SSBP2: variants seen among roughly 807,000 people sequenced by gnomAD.
The protein encoded by SSBP2 is single stranded DNA binding protein 2, also known as single-stranded DNA-binding protein 2.
In SSBP2, 17 loss-of-function variants were observed where a neutral mutation model predicts 61.8. That is an observed-to-expected ratio of 0.28 (90% confidence interval 0.19 to 0.41). The LOEUF is 0.41. Among genes scored for constraint, SSBP2 ranks in the 10% least tolerant of loss-of-function variants. The probability of loss-of-function intolerance (pLI) is 1.00; values close to 1 mark genes in which losing one functional copy is unlikely to be tolerated. For synonymous variants in SSBP2, 139 were observed against 141.3 expected (o/e 0.98, Z 0.12); for missense variants, 310 against 458.7 (o/e 0.68, Z 2.96).
chr5:81,671,692 C>G (rs1469468130), intron 1 of SSBP2, among the ~76,000 whole-genome samples: 2 of 151,922 alleles, frequency 1.3e-5, no homozygotes, highest in Non-Finnish European at 2.9e-5. Flanking sequence ...AAGAAAAAAA[C>G]AAGATGCAAA....
intron 4 of SSBP2, among the ~76,000 whole-genome samples, chr5:81,527,175 G>A (rs1002117209): frequency 2.6e-5 from 4 of 151,880 alleles, no homozygotes; most frequent in Non-Finnish European, 5.9e-5. Flanking sequence ...TTATCAAAAA[G>A]TTTTGAGAAA....
At chr5:81,530,649 A>C (rs1169958934) in intron 4 of SSBP2, among the ~76,000 whole-genome samples, 2 of 152,100 alleles carry the variant, frequency 1.3e-5, no homozygotes, top group Non-Finnish European at 2.9e-5. Context: ...TATAGGAGAA[A>C]ACACAAACTA....
chr5:81,549,637 GA>G (rs1772019859), intron 4 of SSBP2, among the ~76,000 whole-genome samples: 1 of 152,162 alleles, frequency 6.6e-6, no homozygotes, highest in South Asian at 2.1e-4. Context: ...TCTACTGAAA[GA>G]ATACATGAAT....
rs59039206 is a variant in SSBP2, at chr5:81,488,010, AATATATATATATATATAT to A, written c.432+1222_432+1239del. On this transcript the variant is annotated intron_variant, in intron 6 of 16. Transcript: ENST00000320672. ...ATTTCCTTCTTGTTTATGGCCAAATAATATATATATATATATATATATATATATATATATATATATATA... is the reference window on the plus strand; with the variant it reads ...ATTTCCTTCTTGTTTATGGCCAAATAATATATATATATATATATATATATA... Among the ~76,000 whole-genome samples, 240 of 38,932 alleles carry A rather than the reference AATATATATATATATATAT, an allele frequency of 6.2e-3. 7 individuals carry two copies. The highest frequency in any genetic ancestry group is 0.019 in the South Asian group (15 of 800). The allele number at this position is 38,932 out of a possible 152,430, so 25.5% of individuals were successfully genotyped here.
At chr5:81,594,634 C>T (rs983154891) in intron 4 of SSBP2, among the ~76,000 whole-genome samples, 1 of 152,188 alleles carries the variant, frequency 6.6e-6, no homozygotes, top group African/African-American at 2.4e-5. Context: ...GAAACTATAA[C>T]AAACTGTCTC....
intron 1 of SSBP2, among the ~76,000 whole-genome samples, chr5:81,651,659 T>C (rs1749739689): frequency 6.6e-6 from 1 of 152,262 alleles, no homozygotes; most frequent in Middle Eastern, 3.4e-3. Flanking sequence ...ATAAGCTATA[T>C]AGCAGGCTCC....
chr5:81,427,678 A>G (rs1297058322), intron 16 of SSBP2, among the ~76,000 whole-genome samples: 1 of 152,172 alleles, frequency 6.6e-6, no homozygotes, highest in African/African-American at 2.4e-5. Context: ...TCCGTAAGAA[A>G]TTTTAAGGAT....
chr5:81,706,010 C>T (rs1435229102), intron 1 of SSBP2, among the ~76,000 whole-genome samples: 1 of 152,120 alleles, frequency 6.6e-6, no homozygotes, highest in Non-Finnish European at 1.5e-5. Flanking sequence ...ATCCAAAAGA[C>T]AATAAGTCAT....
intron 5 of SSBP2, among the ~76,000 whole-genome samples, chr5:81,490,643 T>C (rs1161057879): frequency 2.0e-5 from 3 of 152,212 alleles, no homozygotes; most frequent in Admixed American, 6.5e-5. Context: ...AGGACATGGC[T>C]ACTCAGGTTT....
intron 4 of SSBP2, among the ~76,000 whole-genome samples, chr5:81,523,258 T>C (rs915780161): frequency 2.6e-5 from 4 of 152,086 alleles, no homozygotes; most frequent in Admixed American, 6.6e-5. Context: ...TCATTAAAAG[T>C]ATTAAAATAC....
At chr5:81,594,945 G>C (rs1297149682) in intron 4 of SSBP2, among the ~76,000 whole-genome samples, 2 of 152,108 alleles carry the variant, frequency 1.3e-5, no homozygotes, top group East Asian at 3.8e-4. Context: ...AGAGAAGCAA[G>C]AGCAAACACG....
intron 8 of SSBP2, among the ~76,000 whole-genome samples, chr5:81,469,090 T>G (rs1765079720): frequency 6.6e-6 from 1 of 151,990 alleles, no homozygotes; most frequent in African/African-American, 2.4e-5. Flanking sequence ...GATCTCTGTT[T>G]TATTTTATCA....
chr5:81,473,862 A>C, intron 7 of SSBP2, 92 bp from the exon 8 acceptor site: 28 of 1,174,660 alleles, frequency 2.4e-5, no homozygotes, highest in Non-Finnish European at 3.2e-5. Flanking sequence ...TTACTGTCTC[A>C]TTTACCAAGA....
At chr5:81,633,293 T>C (rs1456837966) in intron 3 of SSBP2, among the ~76,000 whole-genome samples, 1 of 151,816 alleles carries the variant, frequency 6.6e-6, no homozygotes, top group Non-Finnish European at 1.5e-5. Context: ...ATTTTGTATT[T>C]TTAGTAGCGA....
intron 4 of SSBP2, among the ~76,000 whole-genome samples, chr5:81,526,474 C>T (rs1769948571): frequency 6.6e-6 from 1 of 151,780 alleles, no homozygotes; most frequent in Non-Finnish European, 1.5e-5. Context: ...TTTTTGGAAG[C>T]AGACAAAATT....
chr5:81,751,346 C>T, upstream of SSBP2: 1 of 516,584 alleles, frequency 1.9e-6, no homozygotes, highest in Non-Finnish European at 3.5e-6. Context: ...GCTCTCCTTC[C>T]CCCTCCCCCC....
At chr5:81,738,938 G>T (rs1035139247) in intron 1 of SSBP2, among the ~76,000 whole-genome samples, 1 of 152,024 alleles carries the variant, frequency 6.6e-6, no homozygotes, top group African/African-American at 2.4e-5. Context: ...GCTGAGGTGG[G>T]TGGATCACTC....
rs78536571 is a variant in SSBP2, at chr5:81,520,789, T to C, written c.283-7072A>G. Among the ~76,000 whole-genome samples the C allele has an allele frequency of 7.7e-3, 1,168 of 152,226 alleles. 24 individuals carry two copies. The highest frequency in any genetic ancestry group is 0.027 in the African/African-American group (1,110 of 41,548). On this transcript the variant is annotated intron_variant, in intron 4 of 16. Coordinates refer to ENST00000320672, the MANE Select transcript of SSBP2 (RefSeq NM_012446.5). ...CTTGCTCTTTCAAATATATATACAA[T>C]GCCCACACTGTTGTCAGTCCATTTC...
chr5:81,432,790 C>T (rs1353406572), intron 15 of SSBP2, among the ~76,000 whole-genome samples: 3 of 123,180 alleles, frequency 2.4e-5, no homozygotes, highest in Non-Finnish European at 3.5e-5. Flanking sequence ...CCAGCTGCCC[C>T]GTCCGGGAGG....
Sources: allele counts gnomAD v4.1 joint callset (sites outside exome capture counted in the v4.1 genomes callset), GRCh38; gene constraint gnomAD v4.1.1; transcripts MANE v1.5; gene names NCBI Gene and HGNC (gene_info 2026-07-23, HGNC 2026-07-21).